Variants in SPAG16 observed in about 807,000 individuals in gnomAD.
SPAG16 encodes sperm associated antigen 16.
In SPAG16, 86 loss-of-function variants were observed where a neutral mutation model predicts 80.4. That is an observed-to-expected ratio of 1.07 (90% CI 0.90 to 1.28). The LOEUF (loss-of-function observed/expected upper bound fraction) is 1.28, where lower values mean the gene tolerates loss of function less well. SPAG16 is among the 50% of genes most tolerant of loss of function. The probability of loss-of-function intolerance (pLI) is 0.00; values close to 1 mark genes in which losing one functional copy is unlikely to be tolerated. For missense variants in SPAG16, 870 were observed against 765.3 expected (o/e 1.14, Z -1.61); for synonymous variants, 294 against 265.9 (o/e 1.11, Z -1.03).
In SPAG16 at chr2:213,805,317, AAGAG is replaced by A. The variant is rs546264417; in HGVS notation, c.1071-57164_1071-57161del. Among the ~76,000 whole-genome samples, 87 of 152,252 alleles carry A rather than the reference AAGAG, an allele frequency of 5.7e-4. 1 individual carries two copies. Among genetic ancestry groups the A allele is most frequent in the African/African-American group, 2.0e-3 (84 of 41,532 alleles). On this transcript the variant is annotated intron_variant, in intron 10 of 15. Coordinates refer to ENST00000331683, the MANE Select transcript of SPAG16 (RefSeq NM_024532.5). ...GTCTATATTTTCAAACTGGGAGAAAAAGAGAGAAAGACCAGATTGGTGGAGAAAC... is the reference window on the plus strand; with the variant it reads ...GTCTATATTTTCAAACTGGGAGAAAAAGAAAGACCAGATTGGTGGAGAAAC...
At chr2:214,243,834 T>C (rs1576581385) in intron 15 of SPAG16, among the ~76,000 whole-genome samples, 2 of 152,238 alleles carry the variant, frequency 1.3e-5, no homozygotes, top group Admixed American at 1.3e-4. Flanking sequence ...CATCTCCTTC[T>C]ACCCATAGCC....
chr2:214,371,551 T>A (rs1443283534), intron 15 of SPAG16, among the ~76,000 whole-genome samples: 15 of 140,256 alleles, frequency 1.1e-4, no homozygotes, highest in East Asian at 2.0e-4. Flanking sequence ...AAAAAAAAAA[T>A]AGTATATGTT....
intron 11 of SPAG16, among the ~76,000 whole-genome samples, chr2:213,922,135 C>T (rs2078253608): frequency 6.6e-6 from 1 of 152,194 alleles, no homozygotes; most frequent in African/African-American, 2.4e-5. Flanking sequence ...TGCTTACTTT[C>T]CCCCTGTCTC....
chr2:213,448,740 T>G (rs1575614271), intron 9 of SPAG16, among the ~76,000 whole-genome samples: 6 of 152,218 alleles, frequency 3.9e-5, no homozygotes, highest in Admixed American at 3.9e-4. Flanking sequence ...TAATTTCTTA[T>G]GCATGCCTTT....
chr2:213,667,148 A>G (rs951153553), intron 10 of SPAG16, among the ~76,000 whole-genome samples: 1 of 152,266 alleles, frequency 6.6e-6, no homozygotes, highest in Non-Finnish European at 1.5e-5. Context: ...AGAATAAAAC[A>G]TAGACATGAA....
chr2:214,053,748 G>C (rs2049784788), intron 13 of SPAG16, among the ~76,000 whole-genome samples: 2 of 152,150 alleles, frequency 1.3e-5, no homozygotes, highest in Non-Finnish European at 2.9e-5. Context: ...GAAGTAGCTT[G>C]ACCAGACTCA....
rs1553652105 is a variant in SPAG16, at chr2:213,879,386, G to GT, written c.1214+16758_1214+16759insT. Among the ~76,000 whole-genome samples, 908 of 150,514 alleles carry GT rather than the reference G, an allele frequency of 6.0e-3. 3 individuals carry two copies. The highest frequency in any genetic ancestry group is 0.01 in the Non-Finnish European group (695 of 67,512). ...CTCCTTGGTTAAATATATCCATGGG[G>GT]GTGTGTGTGTGTATATACATATACA... On this transcript the variant is annotated intron_variant, in intron 11 of 15. Coordinates refer to ENST00000331683, the MANE Select transcript of SPAG16 (RefSeq NM_024532.5).
chr2:214,191,745 A>G (rs894507574), intron 15 of SPAG16, among the ~76,000 whole-genome samples: 8 of 144,422 alleles, frequency 5.5e-5, no homozygotes, highest in African/African-American at 1.9e-4. Flanking sequence ...AAAAAAAAGG[A>G]AAAACCAGGA....
At chr2:213,658,115 A>T (rs1056258190) in intron 10 of SPAG16, among the ~76,000 whole-genome samples, 10 of 152,150 alleles carry the variant, frequency 6.6e-5, no homozygotes, top group African/African-American at 2.2e-4. Flanking sequence ...TCCTTCCAGA[A>T]TAAAAAGGCC....
At chr2:213,415,499 T>C (rs1426683584) in intron 9 of SPAG16, among the ~76,000 whole-genome samples, 1 of 152,206 alleles carries the variant, frequency 6.6e-6, no homozygotes, top group Non-Finnish European at 1.5e-5. Flanking sequence ...GCAATCTATC[T>C]GGGTGAGAGA....
intron 6 of SPAG16, among the ~76,000 whole-genome samples, chr2:213,349,049 C>T (rs947688861): frequency 3.3e-5 from 5 of 152,086 alleles, no homozygotes; most frequent in African/African-American, 1.2e-4. Flanking sequence ...AATTAGAAAT[C>T]AATTTTTAAA....
At chr2:213,776,609 G>A (rs568058726) in intron 10 of SPAG16, among the ~76,000 whole-genome samples, 14 of 152,284 alleles carry the variant, frequency 9.2e-5, no homozygotes, top group African/African-American at 3.1e-4. Context: ...ATTTGTAAAA[G>A]TTGTGAGGGT....
At chr2:213,532,548 A>G (rs947183821) in intron 10 of SPAG16, among the ~76,000 whole-genome samples, 3 of 147,718 alleles carry the variant, frequency 2.0e-5, no homozygotes, top group African/African-American at 7.6e-5. Flanking sequence ...CACAACCTCC[A>G]CCTCCCAGGT....
intron 14 of SPAG16, among the ~76,000 whole-genome samples, chr2:214,147,856 A>G (rs1156794306): frequency 6.6e-6 from 1 of 152,220 alleles, no homozygotes; most frequent in East Asian, 1.9e-4. Context: ...AAAAACAATG[A>G]GTCCACTTGA....
chr2:213,717,929 T>A (rs1443584670), intron 10 of SPAG16, among the ~76,000 whole-genome samples: 1 of 152,058 alleles, frequency 6.6e-6, no homozygotes, highest in Non-Finnish European at 1.5e-5. Context: ...ATTCAGGACA[T>A]AGGCATGGGC....
intron 10 of SPAG16, among the ~76,000 whole-genome samples, chr2:213,682,479 G>T (rs1212777049): frequency 2.6e-5 from 4 of 152,202 alleles, no homozygotes; most frequent in Non-Finnish European, 5.9e-5. Context: ...TCAAAGACAG[G>T]TTTATTTTGG....
chr2:213,437,067 G>A (rs754930262), intron 9 of SPAG16, among the ~76,000 whole-genome samples: 2 of 151,892 alleles, frequency 1.3e-5, no homozygotes, highest in East Asian at 3.9e-4. Flanking sequence ...ACCCACCACC[G>A]CGCCCGGCTA....
intron 15 of SPAG16, among the ~76,000 whole-genome samples, chr2:214,360,091 TCAC>T (rs1454923981): frequency 6.6e-6 from 1 of 151,958 alleles, no homozygotes; most frequent in East Asian, 1.9e-4. Context: ...CAGCTACAAA[TCAC>T]CACAATTGTG....
intron 15 of SPAG16, among the ~76,000 whole-genome samples, chr2:214,373,485 C>A (rs1043323645): frequency 6.6e-6 from 1 of 151,954 alleles, no homozygotes; most frequent in Non-Finnish European, 1.5e-5. Flanking sequence ...TATTTATTAA[C>A]GTGAGAAATA....
Sources: gnomAD v4.1 joint callset for allele counts (sites outside exome capture counted in the v4.1 genomes callset) on GRCh38, gnomAD v4.1.1 for gene constraint, MANE v1.5 for transcripts, NCBI Gene and HGNC (gene_info 2026-07-23, HGNC 2026-07-21) for gene names.